The following CEP170 variants were observed in gnomAD, a reference collection of about 807,000 sequenced individuals.
CEP170 encodes the protein centrosomal protein 170.
Under a neutral mutation model 151.9 loss-of-function variants are expected in CEP170, and 21 were observed. That is an observed-to-expected ratio of 0.14 (90% CI 0.10 to 0.20). CEP170 has a LOEUF of 0.20. CEP170 is among the 10% of genes least tolerant of loss of function. The pLI is 1.00. For synonymous variants in CEP170, 356 were observed against 648.8 expected (o/e 0.55, Z 6.86); for missense variants, 964 against 1,892.9 (o/e 0.51, Z 9.11).
At position 243,221,767 on chromosome 1, in the gene CEP170, G is replaced by A. The variant is rs1314034069; in HGVS notation, c.152C>T (p.Ser51Phe). 6.2e-7 allele frequency: 1 copy of A among 1,613,196 alleles called. No individual in the cohort carries two copies. The highest frequency in any genetic ancestry group is 1.1e-5 in the South Asian group (1 of 90,894). The change falls in exon 3 of 20, where the codon TCT becomes TTT. Residue 51 changes from serine (S) to phenylalanine (F), a missense_variant. Physicochemically the swap from Ser to Phe is radical, Grantham distance 155 (BLOSUM62 -2). Transcript: ENST00000366542. ...KQHAVINYDA[S>F]TDEHLVKDLG... Reference sequence around the variant, plus strand: ...ATCCTTCACTAAATGCTCATCCGTAGACGCATCATAGTTGATGACAGCGTG... The same window carrying A: ...ATCCTTCACTAAATGCTCATCCGTAAACGCATCATAGTTGATGACAGCGTG...
At chr1:243,240,290 A>C (rs1212117463) in intron 1 of CEP170, among the ~76,000 whole-genome samples, 1 of 152,186 alleles carries the variant, frequency 6.6e-6, no homozygotes. Context: ...AGCCTGGGCA[A>C]CAAGAAACTC....
chr1:243,153,263 T>C (rs2057276016), intron 14 of CEP170, among the ~76,000 whole-genome samples: 1 of 152,210 alleles, frequency 6.6e-6, no homozygotes, highest in African/African-American at 2.4e-5. Flanking sequence ...TAGAATCTAC[T>C]GGTGAAGCTG....
At chr1:243,209,182 A>G (rs1478754197) in intron 4 of CEP170, among the ~76,000 whole-genome samples, 1 of 152,068 alleles carries the variant, frequency 6.6e-6, no homozygotes, top group Non-Finnish European at 1.5e-5. Flanking sequence ...ATTTTATTTT[A>G]TTTCATTTAT....
Position 243,136,246 on chromosome 1 carries a change from GA to G in CEP170, c.4231-16del. The G allele has an allele frequency of 6.7e-7, 1 of 1,495,024 alleles. No individual in the cohort carries two copies. Among genetic ancestry groups the G allele is most frequent in the Non-Finnish European group, 9.0e-7 (1 of 1,108,194 alleles). 92.6% of individuals were successfully genotyped at this position (1,495,024 alleles called of 1,614,324 possible). ...TCTCCCATGACCTGAAACAGCCAAA[GA>G]AAAAAGTAGATATTAAAATATTACC... On this transcript the variant is annotated splice_polypyrimidine_tract_variant and intron_variant, in intron 16 of 19. Transcript: ENST00000366542.
At chr1:243,219,699 G>C (rs2062620282) in intron 3 of CEP170, among the ~76,000 whole-genome samples, 1 of 152,174 alleles carries the variant, frequency 6.6e-6, no homozygotes, top group Non-Finnish European at 1.5e-5. Flanking sequence ...AAACTTTCTA[G>C]ACTTAAAGAC....
chr1:243,137,986 A>G (rs2055334550), intron 16 of CEP170, among the ~76,000 whole-genome samples: 1 of 151,948 alleles, frequency 6.6e-6, no homozygotes, highest in African/African-American at 2.4e-5. Flanking sequence ...GCCTTAAGAA[A>G]ACAATCAAAT....
intron 11 of CEP170, among the ~76,000 whole-genome samples, chr1:243,172,167 C>T (rs1356500797): frequency 6.6e-6 from 1 of 152,060 alleles, no homozygotes; most frequent in Non-Finnish European, 1.5e-5. Flanking sequence ...TTACTGAAAC[C>T]TAATATTTTC....
At chr1:243,233,044 T>C (rs2063895786) in intron 1 of CEP170, among the ~76,000 whole-genome samples, 1 of 152,206 alleles carries the variant, frequency 6.6e-6, no homozygotes, top group Admixed American at 6.5e-5. Flanking sequence ...TTGACAGCAA[T>C]TCAATCTAGC....
chr1:243,218,497 A>G (rs1433427327), intron 3 of CEP170, among the ~76,000 whole-genome samples: 1 of 152,226 alleles, frequency 6.6e-6, no homozygotes, highest in South Asian at 2.1e-4. Context: ...TAGCTTTCTC[A>G]GGCAGAACAA....
chr1:243,226,357 A>G (rs1199351878), intron 1 of CEP170, among the ~76,000 whole-genome samples: 4 of 151,568 alleles, frequency 2.6e-5, no homozygotes, highest in Non-Finnish European at 4.4e-5. Flanking sequence ...CAAAGTAACC[A>G]TATTTTCCAA....
intron 16 of CEP170, among the ~76,000 whole-genome samples, chr1:243,137,655 G>A (rs1397817075): frequency 2.6e-5 from 4 of 151,874 alleles, no homozygotes; most frequent in Non-Finnish European, 4.4e-5. Flanking sequence ...CGTGCCTGTA[G>A]TCCCAGCTAC....
intron 3 of CEP170, among the ~76,000 whole-genome samples, chr1:243,218,032 C>A (rs2062460748): frequency 6.6e-6 from 1 of 152,244 alleles, no homozygotes; most frequent in South Asian, 2.1e-4. Context: ...ATTTAATTTA[C>A]ATACAACTAC....
At chr1:243,235,369 T>C (rs977613261) in intron 1 of CEP170, among the ~76,000 whole-genome samples, 1 of 152,160 alleles carries the variant, frequency 6.6e-6, no homozygotes, top group Non-Finnish European at 1.5e-5. Flanking sequence ...CATAATGAAA[T>C]ATACTCTTGG....
At chr1:243,222,186 G>A (rs544236410) in intron 2 of CEP170, among the ~76,000 whole-genome samples, 1 of 152,158 alleles carries the variant, frequency 6.6e-6, no homozygotes, top group East Asian at 1.9e-4. Flanking sequence ...CATTTACCTT[G>A]TAGGATTTTC....
intron 14 of CEP170, among the ~76,000 whole-genome samples, chr1:243,145,749 T>C (rs1425170036): frequency 6.6e-6 from 1 of 152,212 alleles, no homozygotes; most frequent in South Asian, 2.1e-4. Context: ...AAACCAAAGC[T>C]TATGACCGCA....
Position 243,132,240 on chromosome 1 carries a change from C to T in CEP170, c.4320-2787G>A, listed in dbSNP as rs150908571. Among the ~76,000 whole-genome samples, 650 of 152,282 alleles carry T rather than the reference C, an allele frequency of 4.3e-3. 3 individuals carry two copies. Among genetic ancestry groups the T allele is most frequent in the African/African-American group, 0.015 (615 of 41,560 alleles). On this transcript the variant is annotated intron_variant, in intron 17 of 19. Transcript: ENST00000366542. ...CCACGCAGAAGGCCCAGGTCTCTAC[C>T]CCTTAGGTTTGGTTATCACAACTCA...
chr1:243,129,340 T>A lies in CEP170; in HGVS notation c.4413+20A>T, dbSNP rs1482933690. 1 of 1,535,686 alleles carries A rather than the reference T, an allele frequency of 6.5e-7. No individual in the cohort carries two copies. The highest frequency in any genetic ancestry group is 8.8e-7 in the Non-Finnish European group (1 of 1,142,082). On this transcript the variant is annotated intron_variant, in intron 18 of 19. Coordinates refer to ENST00000366542, the MANE Select transcript of CEP170 (RefSeq NM_014812.3). ...AAAACTCTATTAAAATGTTTTAATCTTCAAGAAAAATTACTATACCATGCT... is the reference window on the plus strand; with the variant it reads ...AAAACTCTATTAAAATGTTTTAATCATCAAGAAAAATTACTATACCATGCT...
chr1:243,172,270 TA>T (rs2058901636), intron 11 of CEP170, among the ~76,000 whole-genome samples: 1 of 152,204 alleles, frequency 6.6e-6, no homozygotes, highest in South Asian at 2.1e-4. Flanking sequence ...AATAAATTTA[TA>T]AAAATTTAGT....
intron 19 of CEP170, among the ~76,000 whole-genome samples, chr1:243,127,640 T>A (rs1481073394): frequency 6.6e-6 from 1 of 150,996 alleles, no homozygotes. Context: ...GATTATTCGA[T>A]AGATAAAGAC....
Sources: gnomAD v4.1 joint callset for allele counts (sites outside exome capture counted in the v4.1 genomes callset) on GRCh38, gnomAD v4.1.1 for gene constraint, MANE v1.5 for transcripts, NCBI Gene and HGNC (gene_info 2026-07-23, HGNC 2026-07-21) for gene names.